Variants in FGGY observed in about 807,000 individuals in gnomAD.
The protein encoded by FGGY is FGGY carbohydrate kinase domain containing, also known as FGGY carbohydrate kinase domain-containing protein.
A neutral mutation model predicts 71.3 loss-of-function variants in FGGY; 72 were observed. The observed-to-expected ratio is 1.01, with a 90% CI of 0.84 to 1.23. The LOEUF (loss-of-function observed/expected upper bound fraction) is 1.23. Ranked by LOEUF, FGGY falls within the 50% of genes most tolerant of loss-of-function variation. FGGY has a pLI of 0.00. For synonymous variants in FGGY, 251 were observed against 250.3 expected, an observed-to-expected ratio of 1.00 and a Z score of -0.02; for missense variants, 668 against 682.3, an observed-to-expected ratio of 0.98 and a Z score of 0.23.
intron 13 of FGGY, among the ~76,000 whole-genome samples, chr1:59,669,672 G>A (rs1176843901): frequency 6.6e-6 from 1 of 150,978 alleles, no homozygotes; most frequent in African/African-American, 2.4e-5. Context: ...TGGGATTACA[G>A]GCATGAGCCA....
chr1:59,495,238 G>A (rs557746341), intron 6 of FGGY, among the ~76,000 whole-genome samples: 6 of 152,036 alleles, frequency 3.9e-5, no homozygotes, highest in Non-Finnish European at 8.8e-5. Context: ...TTAATCCTTT[G>A]TTGGATGCAT....
At chr1:59,487,370 A>G (rs560040803) in intron 6 of FGGY, among the ~76,000 whole-genome samples, 1 of 152,262 alleles carries the variant, frequency 6.6e-6, no homozygotes, top group East Asian at 1.9e-4. Flanking sequence ...ATCACATTTG[A>G]ATTTTTCATG....
At chr1:59,702,808 A>G (rs538184860) in intron 14 of FGGY, among the ~76,000 whole-genome samples, 1 of 152,280 alleles carries the variant, frequency 6.6e-6, no homozygotes, top group Admixed American at 6.5e-5. Flanking sequence ...AGGGAGAGGT[A>G]TTGAATGTGT....
rs577466074 is a variant in FGGY at position 59,719,968 on chromosome 1, G to A, written c.1513-37963G>A. Among the ~76,000 whole-genome samples, 119 of 152,294 alleles carry A rather than the reference G, an allele frequency of 7.8e-4. 1 individual carries two copies. The highest frequency in any genetic ancestry group is 3.3e-3 in the South Asian group (16 of 4,826). On this transcript the variant is annotated intron_variant, in intron 14 of 15. Transcript: ENST00000303721. ...GAGATCGACAATTTACTCCCATGTA[G>A]TAGAATGCCTTTATATAACTTTCTT...
intron 2 of FGGY, among the ~76,000 whole-genome samples, chr1:59,333,275 G>T (rs552625871): frequency 1.3e-5 from 2 of 152,226 alleles, no homozygotes; most frequent in Non-Finnish European, 2.9e-5. Context: ...TCTGGGCACA[G>T]AAGCCAATTG....
chr1:59,653,362 C>A (rs1419339334), intron 11 of FGGY, among the ~76,000 whole-genome samples: 1 of 152,148 alleles, frequency 6.6e-6, no homozygotes, highest in Admixed American at 6.5e-5. Context: ...CTTGCTGCCG[C>A]CTTGCAGTTT....
intron 7 of FGGY, among the ~76,000 whole-genome samples, chr1:59,529,309 A>T (rs918820915): frequency 6.6e-5 from 10 of 152,218 alleles, no homozygotes; most frequent in Non-Finnish European, 1.2e-4. Context: ...TTCCTGATAG[A>T]AATATGCTAG....
At chr1:59,411,797 C>G (rs909526911) in intron 5 of FGGY, among the ~76,000 whole-genome samples, 8 of 152,094 alleles carry the variant, frequency 5.3e-5, no homozygotes, top group Admixed American at 3.3e-4. Flanking sequence ...TTCAAATTAG[C>G]TTTTCTATCT....
intron 6 of FGGY, among the ~76,000 whole-genome samples, chr1:59,477,109 G>A (rs893739624): frequency 7.2e-5 from 11 of 152,128 alleles, no homozygotes; most frequent in Admixed American, 4.6e-4. Context: ...TCCATTTAGA[G>A]GTCATTTATT....
In FGGY at chr1:59,361,782, C is replaced by A. The variant is rs116469806; in HGVS notation, c.465+15384C>A. On this transcript the variant is annotated intron_variant, in intron 4 of 15. Coordinates refer to ENST00000303721, the MANE Select transcript of FGGY (RefSeq NM_018291.5). ...CTCCGGAGAAGATGAGCTTTGAGCA[C>A]TCACGTCCTCACTGGGCAGACAGAG... Among the ~76,000 whole-genome samples the A allele has an allele frequency of 4.8e-3, 730 of 152,296 alleles. 4 individuals carry two copies. Among genetic ancestry groups the A allele is most frequent in the African/African-American group, 0.017 (695 of 41,550 alleles).
chr1:59,591,097 G>T (rs1446025096), intron 8 of FGGY, among the ~76,000 whole-genome samples: 2 of 152,068 alleles, frequency 1.3e-5, no homozygotes, highest in Non-Finnish European at 2.9e-5. Flanking sequence ...AAAGTCTCAG[G>T]ATACAAAATC....
intron 8 of FGGY, among the ~76,000 whole-genome samples, chr1:59,583,198 A>T (rs2096226128): frequency 7.0e-6 from 1 of 143,052 alleles, no homozygotes; most frequent in Non-Finnish European, 1.5e-5. Context: ...CCTATGCAAC[A>T]TCTTTCATCT....
At chr1:59,416,392 T>C (rs116449530) in intron 5 of FGGY, among the ~76,000 whole-genome samples, 1,833 of 152,120 alleles carry the variant, frequency 0.012, 41 homozygotes, top group African/African-American at 0.042. Flanking sequence ...GTGGGGGCGA[T>C]AGTGAAAAAA....
At chr1:59,378,451 C>T (rs1261667899) in intron 4 of FGGY, among the ~76,000 whole-genome samples, 1 of 152,030 alleles carries the variant, frequency 6.6e-6, no homozygotes, top group Non-Finnish European at 1.5e-5. Flanking sequence ...TACCCAGTCT[C>T]GGGTATGTCT....
chr1:59,415,392 C>G lies in FGGY; in HGVS notation c.554+36555C>G, dbSNP rs557942379. Reference sequence around the variant, plus strand: ...TCCAGATTTTCTGTCATCAGAAAACCAGACATCCATAAGTGCTATTTAGAA... The same window carrying G: ...TCCAGATTTTCTGTCATCAGAAAACGAGACATCCATAAGTGCTATTTAGAA... On this transcript the variant is annotated intron_variant, in intron 5 of 15. Coordinates refer to ENST00000303721, the MANE Select transcript of FGGY (RefSeq NM_018291.5). Among the ~76,000 whole-genome samples, 93 of 152,158 alleles carry G rather than the reference C, an allele frequency of 6.1e-4. 1 individual carries two copies. The highest frequency in any genetic ancestry group is 2.2e-3 in the African/African-American group (92 of 41,530).
At chr1:59,518,448 G>A (rs1016145754) in intron 7 of FGGY, among the ~76,000 whole-genome samples, 1 of 152,196 alleles carries the variant, frequency 6.6e-6, no homozygotes, top group Non-Finnish European at 1.5e-5. Flanking sequence ...CATTGCGTTT[G>A]TAAACTTTTG....
chr1:59,621,459 CAAAAAAAAAAA>C (rs56172542), intron 9 of FGGY, among the ~76,000 whole-genome samples: 1 of 98,802 alleles, frequency 1.0e-5, no homozygotes, highest in African/African-American at 3.8e-5. Context: ...GCCTCCGTCT[CAAAAAAAAAAA>C]AAAAAAAAAA....
chr1:59,622,404 A>G (rs552110458), intron 9 of FGGY, among the ~76,000 whole-genome samples: 5 of 152,224 alleles, frequency 3.3e-5, no homozygotes, highest in African/African-American at 1.2e-4. Context: ...GATATATTCT[A>G]GAGACACTGT....
intron 1 of FGGY, among the ~76,000 whole-genome samples, chr1:59,300,737 C>G (rs2042632917): frequency 6.6e-6 from 1 of 151,948 alleles, no homozygotes; most frequent in Non-Finnish European, 1.5e-5. Flanking sequence ...TGCTGAAAAG[C>G]CTATCTTCAT....
Sources: allele counts gnomAD v4.1 joint callset (sites outside exome capture counted in the v4.1 genomes callset), GRCh38; gene constraint gnomAD v4.1.1; transcripts MANE v1.5; gene names NCBI Gene and HGNC (gene_info 2026-07-23, HGNC 2026-07-21).